Variants in ZNF609 observed in about 807,000 individuals in gnomAD.
The protein encoded by ZNF609 is zinc finger protein 609.
In ZNF609, 11 loss-of-function variants were observed where a neutral mutation model predicts 109.5. The ratio of observed to expected loss-of-function variants is 0.10; its 90% CI spans 0.06 to 0.17. ZNF609 has a LOEUF of 0.17. Ranked by LOEUF, ZNF609 falls within the 10% of genes least tolerant of loss-of-function variation. The pLI is 1.00. For synonymous variants in ZNF609, 646 were observed against 662.0 expected (o/e 0.98, Z 0.37); for missense variants, 1,559 against 1,772.4 (o/e 0.88, Z 2.16).
In ZNF609 at chr15:64,681,230, A is replaced by T; in HGVS notation, c.4163-79A>T. The T allele has an allele frequency of 3.0e-6, 4 of 1,346,156 alleles. No homozygotes were observed. In the Admixed American group the frequency reaches 5.8e-5, roughly 19 times the overall value. 83.4% of individuals were successfully genotyped at this position (1,346,156 alleles called of 1,614,324 possible). ...TGAGTATCAGATTTTTTTTTCTGTC[A>T]GCACCCCAAAACTCAGGGAAAAAGA... On this transcript the variant is annotated intron_variant, in intron 8 of 9. Coordinates refer to ENST00000326648, the MANE Select transcript of ZNF609 (RefSeq NM_015042.2).
At chr15:64,598,068 A>G (rs943348619) in intron 2 of ZNF609, among the ~76,000 whole-genome samples, 1 of 152,246 alleles carries the variant, frequency 6.6e-6, no homozygotes, top group South Asian at 2.1e-4. Context: ...GAATATTACT[A>G]TAGACATGAT....
intron 2 of ZNF609, among the ~76,000 whole-genome samples, chr15:64,530,746 T>C (rs1473062409): frequency 6.6e-6 from 1 of 152,250 alleles, no homozygotes; most frequent in East Asian, 1.9e-4. Flanking sequence ...GTCTTCAGTA[T>C]AATATTCCCT....
chr15:64,561,746 A>G (rs916448150), intron 2 of ZNF609, among the ~76,000 whole-genome samples: 1 of 152,036 alleles, frequency 6.6e-6, no homozygotes, highest in Non-Finnish European at 1.5e-5. Context: ...TAGTCTCTAG[A>G]AAGAAACTTG....
intron 1 of ZNF609, among the ~76,000 whole-genome samples, chr15:64,482,148 A>G (rs1893263288): frequency 6.6e-6 from 1 of 152,196 alleles, no homozygotes; most frequent in Non-Finnish European, 1.5e-5. Context: ...AAGACTACTT[A>G]ATCATGGTGT....
intron 2 of ZNF609, among the ~76,000 whole-genome samples, chr15:64,529,922 G>T (rs1894033625): frequency 6.6e-6 from 1 of 152,128 alleles, no homozygotes; most frequent in African/African-American, 2.4e-5. Flanking sequence ...TAGAGACGGG[G>T]TTTTTCCATG....
At chr15:64,604,796 T>A (rs1054753898) in intron 2 of ZNF609, among the ~76,000 whole-genome samples, 3 of 152,168 alleles carry the variant, frequency 2.0e-5, no homozygotes, top group Non-Finnish European at 2.9e-5. Flanking sequence ...AATTTGGCTT[T>A]ATTTAATTTA....
In ZNF609 at chr15:64,674,082, C is replaced by T. The variant is rs1252479896; in HGVS notation, c.1228C>T (p.Arg410Cys). Reference protein sequence around the residue: ...KTRAGANSKGRRGSQNSSEHR... With the variant: ...KTRAGANSKGCRGSQNSSEHR... ...CCGGGCAGGAGCCAATAGCAAAGGC[C>T]GTCGGGGCAGCCAGAATTCTTCAGA... The change falls in exon 5 of 10, where the codon CGT becomes TGT. Residue 410 changes from arginine (R) to cysteine (C), a missense_variant. Transcript: ENST00000326648. The T allele has an allele frequency of 4.3e-6, 7 of 1,614,168 alleles. No homozygotes were observed. The highest frequency in any genetic ancestry group is 5.9e-6 in the Non-Finnish European group (7 of 1,180,028).
chr15:64,505,538 CAG>C (rs569744393), intron 2 of ZNF609, among the ~76,000 whole-genome samples: 47 of 152,252 alleles, frequency 3.1e-4, no homozygotes, highest in Non-Finnish European at 6.3e-4. Context: ...GTAAATAAAA[CAG>C]AGATGGTCTC....
chr15:64,543,255 C>CTTTTTTTTTTTTT (rs77646116), intron 2 of ZNF609, among the ~76,000 whole-genome samples: 22 of 113,262 alleles, frequency 1.9e-4, no homozygotes, highest in Admixed American at 3.6e-4. Flanking sequence ...TTTGTTGTTG[C>CTTTTTTTTTTTTT]TTTTTTTTTT....
chr15:64,606,274 G>A (rs1895598167), intron 2 of ZNF609, among the ~76,000 whole-genome samples: 1 of 150,514 alleles, frequency 6.6e-6, no homozygotes, highest in African/African-American at 2.4e-5. Flanking sequence ...CCTGGCTAAT[G>A]TTAAAACTTT....
intron 2 of ZNF609, among the ~76,000 whole-genome samples, chr15:64,577,025 T>TATATACATATATGTATATATACACATAA (rs1894978975): frequency 7.1e-5 from 3 of 42,252 alleles, no homozygotes; most frequent in Non-Finnish European, 1.2e-4. Context: ...TACACATAAA[T>TATATACATATATGTATATATACACATAA]ATATATATGT....
chr15:64,489,686 T>C (rs925099885), intron 1 of ZNF609, among the ~76,000 whole-genome samples: 8 of 151,684 alleles, frequency 5.3e-5, no homozygotes, highest in African/African-American at 1.9e-4. Flanking sequence ...CCCGCCACCA[T>C]GCATGGCTAA....
chr15:64,565,280 C>A (rs1357015167), intron 2 of ZNF609, among the ~76,000 whole-genome samples: 1 of 120,348 alleles, frequency 8.3e-6, no homozygotes, highest in African/African-American at 3.1e-5. Flanking sequence ...GGAGTTTCAC[C>A]ATGTTGGCCA....
chr15:64,559,712 CTG>C, intron 2 of ZNF609, among the ~76,000 whole-genome samples: 1 of 152,276 alleles, frequency 6.6e-6, no homozygotes, highest in Admixed American at 6.5e-5. Flanking sequence ...TAGAACATGT[CTG>C]TTTTGTGTCT....
At chr15:64,607,124 A>G (rs186788398) in intron 2 of ZNF609, among the ~76,000 whole-genome samples, 30 of 152,308 alleles carry the variant, frequency 2.0e-4, no homozygotes, top group African/African-American at 6.5e-4. Context: ...AGCCTGGGCA[A>G]TAAGAGTGAC....
chr15:64,560,202 C>A (rs1212933049), intron 2 of ZNF609, among the ~76,000 whole-genome samples: 1 of 152,060 alleles, frequency 6.6e-6, no homozygotes, highest in Non-Finnish European at 1.5e-5. Context: ...CATGCCACCA[C>A]ACCTGGCTAA....
intron 1 of ZNF609, among the ~76,000 whole-genome samples, chr15:64,490,359 C>T (rs1893397305): frequency 6.6e-6 from 1 of 151,694 alleles, no homozygotes; most frequent in East Asian, 1.9e-4. Context: ...CTGCAACCTC[C>T]ACCTCGCGGG....
At chr15:64,676,699 G>A (rs1340989682) in intron 5 of ZNF609, among the ~76,000 whole-genome samples, 1 of 151,652 alleles carries the variant, frequency 6.6e-6, no homozygotes. Context: ...CTCCCAGAGT[G>A]CTGGGATTAC....
chr15:64,681,309 G>T lies in ZNF609; in HGVS notation c.4163G>T (p.Gly1388Val), dbSNP rs769721358. 3.1e-6 allele frequency: 5 copies of T among 1,613,620 alleles called. No homozygotes were observed. In the African/African-American group the frequency reaches 6.7e-5, roughly 22 times the overall value. Residue 1388 changes from glycine to valine, a missense_variant and splice_region_variant, in exon 9 of 10, where the codon GGG becomes GTG. Gly to Val is a moderately radical substitution (Grantham distance 109, BLOSUM62 -3). This residue lies in a region of ZNF609 where 1,204 missense variants were observed against 1,314.1 expected (regional missense o/e 0.92). Transcript: ENST00000326648. ...CTAACATGTTCTCCTGCTTATTCAG[G>T]GCTTTCTTCTACAGCCATTGTTGCC... ...PAQYNLPYAA[G>V]LSSTAIVASQ...
Sources: allele counts gnomAD v4.1 joint callset (sites outside exome capture counted in the v4.1 genomes callset), GRCh38; gene constraint gnomAD v4.1.1; regional missense constraint gnomAD v4.1.1; transcripts MANE v1.5; gene names NCBI Gene and HGNC (gene_info 2026-07-23, HGNC 2026-07-21).